Variants in ATP6V0A1 observed in about 807,000 individuals in gnomAD.
The protein encoded by ATP6V0A1 is ATPase H+ transporting V0 subunit a1.
Under a neutral mutation model 105.4 loss-of-function variants are expected in ATP6V0A1, and 43 were observed. The ratio of observed to expected loss-of-function variants is 0.41; its 90% confidence interval spans 0.32 to 0.53. ATP6V0A1 has a LOEUF of 0.53. Among genes scored for constraint, ATP6V0A1 ranks in the 20% least tolerant of loss-of-function variants. The pLI, the probability that ATP6V0A1 is intolerant of heterozygous loss-of-function variation, is 0.30. For synonymous variants in ATP6V0A1, 362 were observed against 372.8 expected, an observed-to-expected ratio of 0.97 and a Z score of 0.33; for missense variants, 676 against 1,051.1, an observed-to-expected ratio of 0.64 and a Z score of 4.93.
chr17:42,517,714 G>GC (rs1224324401), intron 21 of ATP6V0A1, among the ~76,000 whole-genome samples: 1 of 152,204 alleles, frequency 6.6e-6, no homozygotes, highest in East Asian at 1.9e-4. Flanking sequence ...GGCGTTCTGA[G>GC]CTGTGGCCCT....
intron 17 of ATP6V0A1, among the ~76,000 whole-genome samples, chr17:42,505,440 G>A (rs1292831298): frequency 3.3e-5 from 5 of 151,258 alleles, no homozygotes; most frequent in Admixed American, 6.6e-5. Context: ...TCCTGACCTC[G>A]TGATCCACCT....
chr17:42,495,109 T>A lies in ATP6V0A1; in HGVS notation c.1390T>A (p.Tyr464Asn). The change falls in exon 13 of 22, where the codon TAC becomes AAC. Residue 464 changes from tyrosine to asparagine, a missense_variant. By Grantham distance (143) the Tyr-to-Asn change is moderately radical. Around this residue, in one of 3 missense-constraint regions of ATP6V0A1, gnomAD observed 435 missense variants for 642.2 expected, o/e 0.68. Transcript: ENST00000343619. ...GTTCTCCATGTACACTGGCCTCATC[T>A]ACAATGATTGCTTTTCCAAGTCTCT... Reference protein sequence around the residue: ...GVFSMYTGLIYNDCFSKSLNI... With the variant: ...GVFSMYTGLINNDCFSKSLNI... 1 of 1,614,032 alleles carries A rather than the reference T, an allele frequency of 6.2e-7. No homozygotes were observed. The highest frequency in any genetic ancestry group is 1.1e-5 in the South Asian group (1 of 91,082).
At chr17:42,473,468 C>G (rs376624971) in intron 5 of ATP6V0A1, among the ~76,000 whole-genome samples, 1 of 152,208 alleles carries the variant, frequency 6.6e-6, no homozygotes, top group Non-Finnish European at 1.5e-5. Flanking sequence ...CAGAACATGA[C>G]GCTTTCATAT....
At chr17:42,504,066 G>A (rs112409000) in intron 17 of ATP6V0A1, among the ~76,000 whole-genome samples, 1 of 152,232 alleles carries the variant, frequency 6.6e-6, no homozygotes, top group East Asian at 1.9e-4. Context: ...AAAGTTCCCC[G>A]TTTGGAAACC....
intron 21 of ATP6V0A1, among the ~76,000 whole-genome samples, chr17:42,517,568 C>A (rs1396848509): frequency 6.6e-6 from 1 of 152,192 alleles, no homozygotes; most frequent in African/African-American, 2.4e-5. Context: ...AGGGCTGTTC[C>A]CGTGACACGA....
chr17:42,485,970 C>T (rs2090068463), intron 9 of ATP6V0A1, among the ~76,000 whole-genome samples: 1 of 152,332 alleles, frequency 6.6e-6, no homozygotes. Flanking sequence ...AAGTCACCTT[C>T]CTCTGCCCAA....
chr17:42,461,971 C>T (rs1002581994), intron 2 of ATP6V0A1, among the ~76,000 whole-genome samples: 1 of 150,706 alleles, frequency 6.6e-6, no homozygotes, highest in Non-Finnish European at 1.5e-5. Flanking sequence ...CTTTGAGAGG[C>T]CAAGGCAGGA....
intron 7 of ATP6V0A1, 24 bp from the exon 8 acceptor site, chr17:42,480,643 T>C: frequency 6.3e-7 from 1 of 1,595,582 alleles, no homozygotes; most frequent in Non-Finnish European, 8.5e-7. Flanking sequence ...GTCTGAACTC[T>C]TGTTTTTTTA....
At chr17:42,493,360 A>G (rs1363882930) in intron 11 of ATP6V0A1, among the ~76,000 whole-genome samples, 1 of 152,180 alleles carries the variant, frequency 6.6e-6, no homozygotes, top group Non-Finnish European at 1.5e-5. Flanking sequence ...ATTTAGCTTT[A>G]TATCACTGGG....
At chr17:42,483,330 C>T (rs957961464) in intron 9 of ATP6V0A1, among the ~76,000 whole-genome samples, 199 bp downstream of exon 9, 3 of 152,124 alleles carry the variant, frequency 2.0e-5, no homozygotes, top group Admixed American at 2.0e-4. Flanking sequence ...ATTAGCCATC[C>T]TCAAACGAGA....
intron 17 of ATP6V0A1, among the ~76,000 whole-genome samples, chr17:42,505,891 A>G (rs1322229198): frequency 6.6e-6 from 1 of 150,988 alleles, no homozygotes; most frequent in Non-Finnish European, 1.5e-5. Flanking sequence ...GGGTTTCAGC[A>G]GTTGTCCTGC....
chr17:42,509,883 CT>C (rs2092262437), intron 19 of ATP6V0A1: 1 of 152,192 alleles, frequency 6.6e-6, no homozygotes. Flanking sequence ...CCCAAGTAGT[CT>C]AAACATTTTA....
intron 21 of ATP6V0A1, chr17:42,520,808 G>T: frequency 1.8e-6 from 1 of 546,394 alleles, no homozygotes; most frequent in Non-Finnish European, 3.3e-6. Flanking sequence ...GACAGAGCAA[G>T]ATTGGGAACT....
intron 8 of ATP6V0A1, 62 bp from the exon 9 acceptor site, chr17:42,482,976 A>T: frequency 8.4e-7 from 1 of 1,185,426 alleles, no homozygotes; most frequent in Non-Finnish European, 1.1e-6. Flanking sequence ...GTACATTAGG[A>T]TTACTTTCTG....
intron 21 of ATP6V0A1, among the ~76,000 whole-genome samples, chr17:42,517,477 T>C (rs2092678520): frequency 6.6e-6 from 1 of 152,172 alleles, no homozygotes; most frequent in Non-Finnish European, 1.5e-5. Flanking sequence ...GTCGTATTTA[T>C]TTTGGCAATA....
chr17:42,507,725 T>C, intron 18 of ATP6V0A1, 98 bp downstream of exon 18: 2 of 1,015,630 alleles, frequency 2.0e-6, no homozygotes, highest in Middle Eastern at 2.0e-4. Context: ...CCTTGAAAAA[T>C]AAAAATACTA....
chr17:42,480,584 C>A, intron 7 of ATP6V0A1, 83 bp from the exon 8 acceptor site: 1 of 1,332,190 alleles, frequency 7.5e-7, no homozygotes. Flanking sequence ...GTTGTTCTTG[C>A]ATCACCAAAA....
At chr17:42,464,650 G>T (rs923584891) in intron 2 of ATP6V0A1, among the ~76,000 whole-genome samples, 7 of 152,140 alleles carry the variant, frequency 4.6e-5, no homozygotes, top group African/African-American at 1.7e-4. Flanking sequence ...TGAACTGCCC[G>T]CCTTGGTCTC....
chr17:42,486,826 A>G (rs984335262), intron 9 of ATP6V0A1, among the ~76,000 whole-genome samples: 2 of 152,232 alleles, frequency 1.3e-5, no homozygotes, highest in African/African-American at 4.8e-5. Flanking sequence ...CATTCCCCAC[A>G]TAGAAAGTCG....
Sources: gnomAD v4.1 joint callset for allele counts (sites outside exome capture counted in the v4.1 genomes callset) on GRCh38, gnomAD v4.1.1 for gene constraint, gnomAD v4.1.1 regional missense constraint, MANE v1.5 for transcripts, NCBI Gene and HGNC (gene_info 2026-07-23, HGNC 2026-07-21) for gene names.